Variants in ENPP2 observed in about 807,000 individuals in gnomAD.
ENPP2 encodes the protein autotaxin.
A neutral mutation model predicts 120.2 loss-of-function variants in ENPP2; 51 were observed. That is an observed-to-expected ratio of 0.42 (90% CI 0.34 to 0.54). The LOEUF (loss-of-function observed/expected upper bound fraction) is 0.54. ENPP2 is among the 20% of genes least tolerant of loss of function. The pLI, the probability that ENPP2 is intolerant of heterozygous loss-of-function variation, is 0.04. For missense variants in ENPP2, 920 were observed against 1,066.5 expected (o/e 0.86, Z 1.91); for synonymous variants, 365 against 366.4 (o/e 1.00, Z 0.04).
chr8:119,645,317 TTTC>T lies in ENPP2; in HGVS notation c.22-6793_22-6791del, dbSNP rs530985188. Among the ~76,000 whole-genome samples, 39 of 152,296 alleles carry T rather than the reference TTTC, an allele frequency of 2.6e-4. No individual in the cohort carries two copies. In the South Asian group the frequency reaches 7.9e-3, roughly 31 times the overall value. On this transcript the variant is annotated intron_variant, in intron 1 of 25. Coordinates refer to the ENPP2 transcript ENST00000427067. ...CAACAAGTTCACCCTCCCAATTTCA[TTTC>T]TTTTCAGGAAAACCTTAAACTCAAC...
intron 22 of ENPP2, among the ~76,000 whole-genome samples, chr8:119,566,345 T>C (rs1005466674): frequency 7.2e-5 from 11 of 152,126 alleles, no homozygotes. Context: ...TGTCATGCGG[T>C]TCTGGCTGTT....
intron 8 of ENPP2, among the ~76,000 whole-genome samples, chr8:119,615,334 T>C (rs765218821): frequency 6.6e-6 from 1 of 152,202 alleles, no homozygotes; most frequent in Non-Finnish European, 1.5e-5. Flanking sequence ...TGATTGCCTG[T>C]GTGCCCTGGG....
At chr8:119,657,717 G>C (rs1028076236) in intron 1 of ENPP2, among the ~76,000 whole-genome samples, 1 of 152,156 alleles carries the variant, frequency 6.6e-6, no homozygotes, top group African/African-American at 2.4e-5. Flanking sequence ...TTTATTAGAC[G>C]TGTGTTTGTC....
At position 119,558,198 on chromosome 8, in the gene ENPP2, TA is replaced by T. The variant is rs554223025; in HGVS notation, c.2422-508del. On this transcript the variant is annotated intron_variant, in intron 24 of 24. Transcript: ENST00000075322. ...CAACCACGTCATCTACTAGAATGCA[TA>T]AATTGCTATTTGAAAAATGAGGTCA... Among the ~76,000 whole-genome samples the T allele has an allele frequency of 4.8e-3, 731 of 152,310 alleles. 9 individuals carry two copies. Among genetic ancestry groups the T allele is most frequent in the African/African-American group, 0.017 (700 of 41,556 alleles).
At chr8:119,669,860 T>C (rs1818189639) in intron 1 of ENPP2, among the ~76,000 whole-genome samples, 1 of 152,248 alleles carries the variant, frequency 6.6e-6, no homozygotes, top group South Asian at 2.1e-4. Context: ...CACCTTTCTG[T>C]CTGAAGGTTT....
Position 119,600,660 on chromosome 8 carries a change from A to G in ENPP2, c.972+18T>C. On this transcript the variant is annotated intron_variant, in intron 11 of 24. Transcript: ENST00000075322. The stretch of plus-strand genomic sequence containing the variant: ...CCAGGGCCACAGATTCTTCTCAGGC[A>G]GATGCTAAACCACTAACCTCAGGGC... 6.5e-7 allele frequency: 1 copy of G among 1,545,640 alleles called. No individual in the cohort carries two copies. The highest frequency in any genetic ancestry group is 8.9e-7 in the Non-Finnish European group (1 of 1,118,620).
chr8:119,668,970 A>C (rs1818161769), intron 1 of ENPP2, among the ~76,000 whole-genome samples: 1 of 152,180 alleles, frequency 6.6e-6, no homozygotes, highest in Non-Finnish European at 1.5e-5. Flanking sequence ...TTTGGGATCC[A>C]TGCATAAGAC....
At chr8:119,625,758 G>C (rs75507699) in intron 3 of ENPP2, among the ~76,000 whole-genome samples, 9,374 of 152,238 alleles carry the variant, frequency 0.062, 407 homozygotes, top group South Asian at 0.16. Flanking sequence ...ATTGTGCTTT[G>C]AAAACAGAGT....
At position 119,638,766 on chromosome 8, in the gene ENPP2, G is replaced by A. The variant is rs774228450; in HGVS notation, c.15C>T (p.Ser5=). ...CTCCCACCTGACACGACTGGAACGAGCTCCTCCTTGCCATGTCGAGGATTC... is the reference window on the plus strand; with the variant it reads ...CTCCCACCTGACACGACTGGAACGAACTCCTCCTTGCCATGTCGAGGATTC... The part of the protein sequence containing the change: MARR[S]SFQSCQIISL... Residue 5 remains serine (S), a synonymous_variant, in exon 1 of 25, where the codon AGC becomes AGT. Transcript: ENST00000075322. The A allele has an allele frequency of 8.7e-6, 14 of 1,606,504 alleles. No individual in the cohort carries two copies. In the East Asian group the frequency reaches 2.9e-4, roughly 33 times the overall value.
chr8:119,625,649 A>G (rs1207717404), intron 3 of ENPP2, among the ~76,000 whole-genome samples: 1 of 152,218 alleles, frequency 6.6e-6, no homozygotes, highest in Admixed American at 6.6e-5. Flanking sequence ...GATGTCAAGA[A>G]CAGCATTGAC....
At chr8:119,623,451 G>A (rs987644676) in intron 3 of ENPP2, among the ~76,000 whole-genome samples, 2 of 152,006 alleles carry the variant, frequency 1.3e-5, no homozygotes, top group Non-Finnish European at 2.9e-5. Flanking sequence ...GGTGACAGGA[G>A]GAGACTCCAT....
At chr8:119,608,572 T>A (rs1217157581) in intron 8 of ENPP2, among the ~76,000 whole-genome samples, 1 of 152,236 alleles carries the variant, frequency 6.6e-6, no homozygotes. Flanking sequence ...AAGCATTTCA[T>A]CAAGGTTTTT....
At chr8:119,580,975 A>G (rs955017473) in intron 18 of ENPP2, 3 of 152,184 alleles carry the variant, frequency 2.0e-5, no homozygotes, top group Non-Finnish European at 4.4e-5. Context: ...GTTATTTAAT[A>G]AATATATAAG....
chr8:119,591,998 GCT>G (rs1320820979), intron 12 of ENPP2, among the ~76,000 whole-genome samples: 2 of 152,162 alleles, frequency 1.3e-5, no homozygotes, highest in African/African-American at 4.8e-5. Context: ...TATGCTAAGT[GCT>G]CCTCAAGCGT....
intron 15 of ENPP2, among the ~76,000 whole-genome samples, chr8:119,585,064 C>T (rs988982940): frequency 3.3e-5 from 5 of 152,152 alleles, no homozygotes; most frequent in African/African-American, 1.2e-4. Flanking sequence ...CTACTCAGCT[C>T]CCATGTTTTT....
chr8:119,558,157 A>G (rs1813618603), intron 24 of ENPP2, among the ~76,000 whole-genome samples: 1 of 152,230 alleles, frequency 6.6e-6, no homozygotes, highest in Non-Finnish European at 1.5e-5. Context: ...TAGTTTTTCA[A>G]AAGAAACTGC....
chr8:119,588,554 A>G (rs1350741740), intron 13 of ENPP2, among the ~76,000 whole-genome samples: 5 of 135,688 alleles, frequency 3.7e-5, no homozygotes, highest in Admixed American at 1.5e-4. Flanking sequence ...AAAAAAAAAG[A>G]GCTTTGCAGG....
intron 22 of ENPP2, among the ~76,000 whole-genome samples, chr8:119,566,173 G>C (rs543529586): frequency 6.6e-6 from 1 of 152,186 alleles, no homozygotes. Flanking sequence ...CCCCTGCAGA[G>C]AACTGCCTTA....
intron 1 of ENPP2, among the ~76,000 whole-genome samples, chr8:119,662,484 G>A (rs910850500): frequency 6.6e-6 from 1 of 152,240 alleles, no homozygotes; most frequent in Non-Finnish European, 1.5e-5. Context: ...AGACCTACTG[G>A]ATCAGAAACT....
Sources: gnomAD v4.1 joint callset for allele counts (sites outside exome capture counted in the v4.1 genomes callset) on GRCh38, gnomAD v4.1.1 for gene constraint, MANE v1.5 for transcripts, NCBI Gene and HGNC (gene_info 2026-07-23, HGNC 2026-07-21) for gene names.